Variants in SEMA7A observed in about 807,000 individuals in gnomAD.
SEMA7A encodes the protein semaphorin-7A.
In SEMA7A, 21 loss-of-function variants were observed where a neutral mutation model predicts 67.5. The ratio of observed to expected loss-of-function variants is 0.31; its 90% CI spans 0.22 to 0.45. The LOEUF is 0.45. Ranked by LOEUF, SEMA7A falls within the 20% of genes least tolerant of loss-of-function variation. The pLI is 1.00. For synonymous variants in SEMA7A, 364 were observed against 368.5 expected, an observed-to-expected ratio of 0.99 and a Z score of 0.14; for missense variants, 774 against 908.6, an observed-to-expected ratio of 0.85 and a Z score of 1.90.
rs747422698 is a variant in SEMA7A, at chr15:74,417,424, A to G, written c.572T>C (p.Ile191Thr). Reference protein sequence around the residue: ...LFEGDEVYSTIRKQEYNGKIP... With the variant: ...LFEGDEVYSTTRKQEYNGKIP... ...CTTCCCATTGTATTCCTGCTTCCGG[A>G]TGGTGGAATACACCTCGTCCCCTGG... Residue 191 changes from isoleucine to threonine, a missense_variant, in exon 6 of 14, where the codon ATC becomes ACC. Coordinates refer to ENST00000261918, the MANE Select transcript of SEMA7A (RefSeq NM_003612.5). 6.2e-7 allele frequency: 1 copy of G among 1,613,914 alleles called. No homozygotes were observed. Among genetic ancestry groups the G allele is most frequent in the Non-Finnish European group, 8.5e-7 (1 of 1,179,974 alleles).
At position 74,433,741 on chromosome 15, in the gene SEMA7A, C is replaced by T; in HGVS notation, c.178G>A (p.Gly60Ser). 1.4e-6 allele frequency: 2 copies of T among 1,440,672 alleles called. No individual in the cohort carries two copies. The highest frequency in any genetic ancestry group is 1.4e-5 in the South Asian group (1 of 73,062). 89.2% of individuals were successfully genotyped at this position (1,440,672 alleles called of 1,614,324 possible). The change falls in exon 1 of 14, where the codon GGC becomes AGC. Residue 60 changes from glycine (G) to serine (S), a missense_variant and splice_region_variant. Transcript: ENST00000261918. ...SGPRIFAVWK[G>S]HVGQDRVDFG... ...TGACCGGCCGCGCGGCGCCGCCTAC[C>T]TTTCCAGACGGCGAAGATGCGGGGT... is the stretch of plus-strand genomic sequence containing the variant.
chr15:74,430,996 G>A (rs1250738798), intron 1 of SEMA7A, among the ~76,000 whole-genome samples: 1 of 152,218 alleles, frequency 6.6e-6, no homozygotes, highest in Non-Finnish European at 1.5e-5. Flanking sequence ...CCCATGGACA[G>A]GCTGGTTCAC....
chr15:74,430,698 C>G (rs767570433), intron 1 of SEMA7A, among the ~76,000 whole-genome samples: 50 of 152,316 alleles, frequency 3.3e-4, no homozygotes, highest in Non-Finnish European at 4.4e-4. Context: ...GGGAATTGCC[C>G]CCCCACCATG....
intron 1 of SEMA7A, 117 bp from the exon 2 acceptor site, chr15:74,419,069 G>A (rs16968740): frequency 0.049 from 59,063 of 1,203,650 alleles, 8,151 homozygotes; most frequent in African/African-American, 0.48. Context: ...CTGGCAGGGC[G>A]TCAGACAAGC....
chr15:74,415,688 T>A (rs2060942068), intron 8 of SEMA7A, 113 bp downstream of exon 8: 1 of 1,087,158 alleles, frequency 9.2e-7, no homozygotes. Context: ...CTCTTGAGCC[T>A]GCAGCCCCTG....
At chr15:74,425,136 G>A (rs147105850) in intron 1 of SEMA7A, among the ~76,000 whole-genome samples, 1 of 152,358 alleles carries the variant, frequency 6.6e-6, no homozygotes, top group Non-Finnish European at 1.5e-5. Context: ...GGCTGCCAGG[G>A]CTGCATTCCA....
At chr15:74,416,235 GT>G (rs2060947005) in intron 7 of SEMA7A, among the ~76,000 whole-genome samples, 1 of 151,948 alleles carries the variant, frequency 6.6e-6, no homozygotes. Flanking sequence ...AGAGTGCCAG[GT>G]CCCCACAGAG....
chr15:74,416,318 AACACACAC>A (rs371685466), intron 7 of SEMA7A, among the ~76,000 whole-genome samples: 17 of 148,052 alleles, frequency 1.1e-4, no homozygotes, highest in Admixed American at 4.0e-4. Context: ...ACACAGGCAA[AACACACAC>A]ACACACACAC....
rs1472190027 is a variant in SEMA7A, at chr15:74,410,182, TGAGA to T, written c.*438_*441del. ...TTCAGGAACACCAGCCACCCAGCCA[TGAGA>T]GAGGGAGGGGAAGGAGGCAATGTGG... On this transcript the variant is annotated 3_prime_UTR_variant, in exon 14 of 14. Transcript: ENST00000261918. The surrounding 1 kb of genome is among the most constrained non-coding windows in gnomAD (Gnocchi z 7.5). 2 of 162,634 alleles carry T rather than the reference TGAGA, an allele frequency of 1.2e-5. No homozygotes were observed. Among genetic ancestry groups the T allele is most frequent in the Admixed American group, 6.2e-5 (1 of 16,132 alleles). The allele number at this position is 162,634 out of a possible 1,614,324, so 10.1% of individuals were successfully genotyped here.
intron 8 of SEMA7A, among the ~76,000 whole-genome samples, chr15:74,415,303 C>G (rs2060938958): frequency 1.3e-5 from 2 of 151,936 alleles, no homozygotes; most frequent in South Asian, 4.2e-4. Context: ...CCTGGGGGAC[C>G]CCACTCACCC....
chr15:74,416,472 C>T, intron 7 of SEMA7A, 103 bp downstream of exon 7: 1 of 1,265,904 alleles, frequency 7.9e-7, no homozygotes, highest in East Asian at 2.4e-5. Flanking sequence ...CCCACTCATA[C>T]ATCCACACAA....
rs985197642 is a variant in SEMA7A at position 74,417,975 on chromosome 15, C to G, written c.373-6G>C. ...GTGATGTAGTTCTCGCAGTCCTGCC[C>G]GGGGAAGAGAGAAGGGAGGAGAGAA... is the stretch of plus-strand genomic sequence containing the variant. On this transcript the variant is annotated splice_polypyrimidine_tract_variant and splice_region_variant and intron_variant, in intron 3 of 13. Transcript: ENST00000261918. The G allele has an allele frequency of 1.9e-6, 3 of 1,612,422 alleles. No individual in the cohort carries two copies. Among genetic ancestry groups the G allele is most frequent in the Non-Finnish European group, 1.7e-6 (2 of 1,179,832 alleles).
chr15:74,414,040 T>C lies in SEMA7A; in HGVS notation c.1294+507A>G, dbSNP rs956332975. On this transcript the variant is annotated intron_variant, in intron 10 of 13. Transcript: ENST00000261918. The surrounding 1 kb of genome is among the most constrained non-coding windows in gnomAD (Gnocchi z 4.1). ...AAGAAGAGAAGCTGCCCCTGTCCTC[T>C]GTGAGATGGCAAAGGTTCTGCCCCC... 1.3e-5 allele frequency among the ~76,000 whole-genome samples: 2 copies of C among 152,186 alleles called. No homozygotes were observed. The highest frequency in any genetic ancestry group is 2.9e-5 in the Non-Finnish European group (2 of 68,032).
intron 1 of SEMA7A, among the ~76,000 whole-genome samples, chr15:74,428,381 G>A (rs1026036965): frequency 2.0e-5 from 3 of 152,214 alleles, no homozygotes; most frequent in African/African-American, 2.4e-5. Context: ...CCCGGTCCCA[G>A]CTCTGCCTCT....
chr15:74,418,356 A>G (rs1255660537), intron 2 of SEMA7A, 47 bp from the exon 3 acceptor site: 3 of 1,592,090 alleles, frequency 1.9e-6, no homozygotes, highest in Admixed American at 1.7e-5. Flanking sequence ...GGGGTGAGGT[A>G]CCCCTGAAAT....
chr15:74,433,582 ACACT>A, intron 1 of SEMA7A, 155 bp downstream of exon 1: 2 of 1,249,500 alleles, frequency 1.6e-6, no homozygotes, highest in Non-Finnish European at 2.0e-6. Context: ...ACACTCACAC[ACACT>A]CACCCAAACC....
chr15:74,427,987 C>T (rs1441186744), intron 1 of SEMA7A, among the ~76,000 whole-genome samples: 1 of 152,252 alleles, frequency 6.6e-6, no homozygotes, highest in Non-Finnish European at 1.5e-5. Flanking sequence ...GCACAGAGCC[C>T]AAGCCTCTGG....
rs942736870 is a variant in SEMA7A at position 74,427,429 on chromosome 15, G to T, written c.178+6312C>A. Reference sequence around the variant, plus strand: ...TGACCTTCCTTCCTCGACAGGCTGGGCCAGAGCTCCTGCCTCAGCCTCCCA... The same window carrying T: ...TGACCTTCCTTCCTCGACAGGCTGGTCCAGAGCTCCTGCCTCAGCCTCCCA... On this transcript the variant is annotated intron_variant, in intron 1 of 13. Coordinates refer to ENST00000261918, the MANE Select transcript of SEMA7A (RefSeq NM_003612.5). The T allele has an allele frequency of 4.1e-6, 4 of 977,238 alleles. No homozygotes were observed. In the African/African-American group the frequency reaches 7.0e-5, roughly 17 times the overall value. The allele number at this position is 977,238 out of a possible 1,614,324, so 60.5% of individuals were successfully genotyped here.
chr15:74,416,603 T>C lies in SEMA7A; in HGVS notation c.773A>G (p.Asn258Ser), dbSNP rs1265579677. The part of the protein sequence containing the change: ...NPDKNPEAPL[N>S]VSRVAQLCRG... ...GCACAACTGGGCCACACGGGACACA[T>C]TGAGAGGAGCCTCAGGATTCTTGTC... Residue 258 changes from asparagine to serine, a missense_variant, in exon 7 of 14, where the codon AAT becomes AGT. Around this residue, in one of 2 missense-constraint regions of SEMA7A, gnomAD observed 427 missense variants for 555.4 expected, o/e 0.77. Transcript: ENST00000261918. 5 of 1,613,906 alleles carry C rather than the reference T, an allele frequency of 3.1e-6. No homozygotes were observed. Among genetic ancestry groups the C allele is most frequent in the African/African-American group, 1.3e-5 (1 of 74,882 alleles).
Sources: allele counts gnomAD v4.1 joint callset (sites outside exome capture counted in the v4.1 genomes callset), GRCh38; gene constraint gnomAD v4.1.1; regional missense constraint gnomAD v4.1.1; non-coding constraint Gnocchi (gnomAD v3.1); transcripts MANE v1.5; gene names NCBI Gene and HGNC (gene_info 2026-07-23, HGNC 2026-07-21).